Variants in PCDHGC5 observed in about 807,000 individuals in gnomAD.
PCDHGC5 encodes the protein protocadherin gamma-C5.
In PCDHGC5, 25 loss-of-function variants were observed where a neutral mutation model predicts 59.0. That is an observed-to-expected ratio of 0.42 (90% confidence interval 0.31 to 0.59). The LOEUF (loss-of-function observed/expected upper bound fraction) is 0.59. Ranked by LOEUF, PCDHGC5 falls within the 20% of genes least tolerant of loss-of-function variation. The pLI is 0.13. For missense variants in PCDHGC5, 1,067 were observed against 1,206.4 expected (o/e 0.88, Z 1.71); for synonymous variants, 434 against 505.5 (o/e 0.86, Z 1.90).
Position 141,490,318 on chromosome 5 carries a change from C to T in PCDHGC5, c.1078C>T (p.Leu360=). ...VLLASLANPV[L]ESTPVGTVVG... ...ATTGGCCTCTTTGGCCAACCCTGTCCTAGAGAGCACACCAGTGGGCACAGT... is the reference window on the plus strand; with the variant it reads ...ATTGGCCTCTTTGGCCAACCCTGTCTTAGAGAGCACACCAGTGGGCACAGT... Residue 360 remains leucine, a synonymous_variant, in exon 1 of 4, where the codon CTA becomes TTA. Transcript: ENST00000252087. The surrounding 1 kb of genome is among the most constrained non-coding windows in gnomAD (Gnocchi z 5.4). 1 of 1,614,220 alleles carries T rather than the reference C, an allele frequency of 6.2e-7. No homozygotes were observed.
Position 141,511,285 on chromosome 5 carries a change from G to C in PCDHGC5, c.*112G>C. On this transcript the variant is annotated 3_prime_UTR_variant, in exon 4 of 4. Coordinates refer to ENST00000252087, the MANE Select transcript of PCDHGC5 (RefSeq NM_018929.3). Reference sequence around the variant, plus strand: ...GGGCTAACCCCCAGAATACTGGTAGGGGCCAAGGCCATGCTCCCCTTGGGA... The same window carrying C: ...GGGCTAACCCCCAGAATACTGGTAGCGGCCAAGGCCATGCTCCCCTTGGGA... 1 of 1,521,904 alleles carries C rather than the reference G, an allele frequency of 6.6e-7. No homozygotes were observed. The highest frequency in any genetic ancestry group is 8.8e-7 in the Non-Finnish European group (1 of 1,131,664). 94.3% of individuals were successfully genotyped at this position (1,521,904 alleles called of 1,614,324 possible).
chr5:141,509,601 G>A (rs2099877534), intron 3 of PCDHGC5, among the ~76,000 whole-genome samples: 1 of 152,144 alleles, frequency 6.6e-6, no homozygotes, highest in Non-Finnish European at 1.5e-5. Flanking sequence ...ATTCCGAGAG[G>A]CTGCATTCTA....
intron 3 of PCDHGC5, among the ~76,000 whole-genome samples, chr5:141,505,729 G>A (rs1026403192): frequency 7.9e-5 from 12 of 152,286 alleles, no homozygotes; most frequent in African/African-American, 2.9e-4. Flanking sequence ...AGGGAATAGT[G>A]GTTACAAGTC....
chr5:141,505,507 A>G, intron 3 of PCDHGC5, 26 bp downstream of exon 3: 1 of 1,614,004 alleles, frequency 6.2e-7, no homozygotes, highest in South Asian at 1.1e-5. Flanking sequence ...GTGTGTATGG[A>G]AGAGTGGGAG....
At chr5:141,504,203 A>G (rs2099836487) in intron 2 of PCDHGC5, among the ~76,000 whole-genome samples, 1 of 152,248 alleles carries the variant, frequency 6.6e-6, no homozygotes, top group Non-Finnish European at 1.5e-5. Context: ...TCACTGTGGG[A>G]AAATTCCAAG....
chr5:141,505,592 A>T, intron 3 of PCDHGC5, 111 bp downstream of exon 3: 2 of 1,567,266 alleles, frequency 1.3e-6, no homozygotes, highest in Admixed American at 3.6e-5. Flanking sequence ...GTTTCTCCAG[A>T]TCTTTCGGCA....
At chr5:141,497,101 G>A (rs1465038195) in intron 2 of PCDHGC5, among the ~76,000 whole-genome samples, 1 of 152,042 alleles carries the variant, frequency 6.6e-6, no homozygotes, top group African/African-American at 2.4e-5. Flanking sequence ...AGGCAGAACT[G>A]CTTGAACCCG....
chr5:141,497,509 C>T (rs1282025317), intron 2 of PCDHGC5, among the ~76,000 whole-genome samples: 1 of 151,184 alleles, frequency 6.6e-6, no homozygotes, highest in Non-Finnish European at 1.5e-5. Flanking sequence ...CTCTCTGCTT[C>T]CTTAGTTAAC....
intron 3 of PCDHGC5, among the ~76,000 whole-genome samples, chr5:141,509,092 G>T (rs943269087): frequency 1.3e-5 from 2 of 152,180 alleles, no homozygotes; most frequent in African/African-American, 4.8e-5. Context: ...TGAAATGGGG[G>T]CTGTAGAAAC....
intron 1 of PCDHGC5, among the ~76,000 whole-genome samples, chr5:141,492,670 C>T (rs567661944): frequency 6.6e-6 from 1 of 152,344 alleles, no homozygotes; most frequent in South Asian, 2.1e-4. Context: ...CCCGGGACTC[C>T]GTCTCAAGGG....
intron 3 of PCDHGC5, among the ~76,000 whole-genome samples, chr5:141,509,362 G>C (rs2099876497): frequency 6.6e-6 from 1 of 152,152 alleles, no homozygotes; most frequent in Non-Finnish European, 1.5e-5. Flanking sequence ...GCATCCCTGA[G>C]GTTTTAACTG....
rs888836155 is a variant in PCDHGC5, at chr5:141,512,011, A to C, written c.*838A>C. The C allele has an allele frequency of 1.3e-5, 2 of 152,946 alleles. No homozygotes were observed. The highest frequency in any genetic ancestry group is 6.5e-5 in the Admixed American group (1 of 15,300). The allele number at this position is 152,946 out of a possible 1,614,324, so 9.5% of individuals were successfully genotyped here. ...GGCATGGACAAAGCTTGACACATCA[A>C]GTTATCAAGGCCTTGGAGGAGGCTC... On this transcript the variant is annotated 3_prime_UTR_variant, in exon 4 of 4. Coordinates refer to ENST00000252087, the MANE Select transcript of PCDHGC5 (RefSeq NM_018929.3).
intron 3 of PCDHGC5, among the ~76,000 whole-genome samples, chr5:141,506,441 T>C (rs1940889203): frequency 9.8e-6 from 1 of 101,930 alleles, no homozygotes; most frequent in South Asian, 3.0e-4. Flanking sequence ...TCTCGCTCTG[T>C]CTCAAAAAAA....
rs539348000 is a variant in PCDHGC5 at position 141,504,908 on chromosome 5, G to A, written c.2520-485G>A. 5.9e-5 allele frequency among the ~76,000 whole-genome samples: 9 copies of A among 152,208 alleles called. No homozygotes were observed. In the East Asian group the frequency reaches 1.7e-3, roughly 29 times the overall value. On this transcript the variant is annotated intron_variant, in intron 2 of 3. Coordinates refer to ENST00000252087, the MANE Select transcript of PCDHGC5 (RefSeq NM_018929.3). Reference sequence around the variant, plus strand: ...AGGTCTGATCTCCCTCACTATGACAGGAAGCCAGGCTCTCTCATGGTGGGT... The same window carrying A: ...AGGTCTGATCTCCCTCACTATGACAAGAAGCCAGGCTCTCTCATGGTGGGT...
At chr5:141,507,239 G>C (rs2099859378) in intron 3 of PCDHGC5, 1 of 152,310 alleles carries the variant, frequency 6.6e-6, no homozygotes, top group Non-Finnish European at 1.5e-5. Context: ...CCCAGTTACA[G>C]TTGAATGTCA....
chr5:141,489,846 T>C lies in PCDHGC5; in HGVS notation c.606T>C (p.Arg202=). The C allele has an allele frequency of 6.2e-7, 1 of 1,614,190 alleles. No individual in the cohort carries two copies. The highest frequency in any genetic ancestry group is 1.1e-5 in the South Asian group (1 of 91,088). The part of the protein sequence containing the change: ...PELVLEQQLD[R]EAQARHQLVL... ...TGGTGCTAGAGCAGCAGCTGGATCG[T>C]GAAGCCCAGGCAAGACATCAGCTGG... is the stretch of plus-strand genomic sequence containing the variant. Residue 202 remains arginine, a synonymous_variant, in exon 1 of 4, where the codon CGT becomes CGC. Coordinates refer to ENST00000252087, the MANE Select transcript of PCDHGC5 (RefSeq NM_018929.3). This position sits in a 1 kb window ranked among gnomAD's most constrained non-coding sequence, Gnocchi z 4.5.
intron 2 of PCDHGC5, among the ~76,000 whole-genome samples, chr5:141,500,682 G>A (rs1661676761): frequency 6.6e-6 from 1 of 152,044 alleles, no homozygotes; most frequent in African/African-American, 2.4e-5. Context: ...CAGAATTATA[G>A]CTTTTTTCTT....
intron 3 of PCDHGC5, 59 bp from the exon 4 acceptor site, chr5:141,510,888 A>C (rs2099883233): frequency 6.2e-7 from 1 of 1,612,646 alleles, no homozygotes. Flanking sequence ...GGGATATAAG[A>C]CAGTGACTGT....
rs968865313 is a variant in PCDHGC5, at chr5:141,511,294, C to T, written c.*121C>T. 1 of 1,506,752 alleles carries T rather than the reference C, an allele frequency of 6.6e-7. No individual in the cohort carries two copies. Among genetic ancestry groups the T allele is most frequent in the Non-Finnish European group, 8.9e-7 (1 of 1,123,692 alleles). 93.3% of individuals were successfully genotyped at this position (1,506,752 alleles called of 1,614,324 possible). On this transcript the variant is annotated 3_prime_UTR_variant, in exon 4 of 4. Coordinates refer to ENST00000252087, the MANE Select transcript of PCDHGC5 (RefSeq NM_018929.3). ...CCCAGAATACTGGTAGGGGCCAAGG[C>T]CATGCTCCCCTTGGGAAACAGAAAC...
Sources: allele counts gnomAD v4.1 joint callset (sites outside exome capture counted in the v4.1 genomes callset), GRCh38; gene constraint gnomAD v4.1.1; non-coding constraint Gnocchi (gnomAD v3.1); transcripts MANE v1.5; gene names NCBI Gene and HGNC (gene_info 2026-07-23, HGNC 2026-07-21).